PHACTR3: variants seen among roughly 807,000 people sequenced by gnomAD.
The protein encoded by PHACTR3 is phosphatase and actin regulator 3.
A neutral mutation model predicts 66.8 loss-of-function variants in PHACTR3; 16 were observed. The ratio of observed to expected loss-of-function variants is 0.24; its 90% CI spans 0.16 to 0.36. The LOEUF (loss-of-function observed/expected upper bound fraction) is 0.36. PHACTR3 is among the 10% of genes least tolerant of loss of function. The pLI is 1.00. For missense variants in PHACTR3, 647 were observed against 719.9 expected (o/e 0.90, Z 1.16); for synonymous variants, 323 against 292.1 (o/e 1.11, Z -1.08).
At chr20:59,737,316 G>T (rs1028998937) in intron 1 of PHACTR3, among the ~76,000 whole-genome samples, 22 of 152,224 alleles carry the variant, frequency 1.4e-4, no homozygotes, top group Non-Finnish European at 2.5e-4. Context: ...TGGGGATCCT[G>T]GTTCAGGGCT....
intron 1 of PHACTR3, among the ~76,000 whole-genome samples, chr20:59,665,007 A>G (rs2035937748): frequency 6.6e-6 from 1 of 152,194 alleles, no homozygotes; most frequent in African/African-American, 2.4e-5. Flanking sequence ...TACTATGCTT[A>G]CTTTGCACCT....
At chr20:59,844,411 G>T (rs1408812285) in intron 11 of PHACTR3, 1 of 152,072 alleles carries the variant, frequency 6.6e-6, no homozygotes, top group Non-Finnish European at 1.5e-5. Context: ...AATCATCCAA[G>T]TGTCCATCAA....
chr20:59,670,613 G>GC (rs1491265008), intron 1 of PHACTR3, among the ~76,000 whole-genome samples: 1 of 132,616 alleles, frequency 7.5e-6, no homozygotes, highest in African/African-American at 2.7e-5. Context: ...GGTGGGGGGG[G>GC]GGGGCAGGCA....
intron 1 of PHACTR3, among the ~76,000 whole-genome samples, chr20:59,714,402 A>G (rs1415201662): frequency 6.6e-6 from 1 of 152,232 alleles, no homozygotes; most frequent in Non-Finnish European, 1.5e-5. Flanking sequence ...CAATTTTCCC[A>G]TATGGATATC....
intron 8 of PHACTR3, among the ~76,000 whole-genome samples, chr20:59,813,212 C>T (rs1295897337): frequency 7.3e-6 from 1 of 136,228 alleles, no homozygotes; most frequent in East Asian, 1.9e-4. Flanking sequence ...ACTACCTTCC[C>T]CAAGACCCTC....
chr20:59,804,004 T>A (rs2041495496), intron 7 of PHACTR3, among the ~76,000 whole-genome samples: 2 of 152,208 alleles, frequency 1.3e-5, no homozygotes, highest in Admixed American at 6.5e-5. Flanking sequence ...TGGGAAGGCA[T>A]GCTCATTTAG....
intron 1 of PHACTR3, among the ~76,000 whole-genome samples, chr20:59,693,948 C>T (rs1234252764): frequency 6.6e-6 from 1 of 152,110 alleles, no homozygotes; most frequent in Non-Finnish European, 1.5e-5. Context: ...CCAGTCCAGC[C>T]CAGATTCAAA....
intron 7 of PHACTR3, among the ~76,000 whole-genome samples, chr20:59,803,760 A>T (rs1269234448): frequency 6.6e-6 from 1 of 152,188 alleles, no homozygotes; most frequent in African/African-American, 2.4e-5. Flanking sequence ...TTTATGAAAA[A>T]GTCCGGGATG....
chr20:59,787,013 G>A (rs575691129), intron 7 of PHACTR3, among the ~76,000 whole-genome samples: 1 of 152,196 alleles, frequency 6.6e-6, no homozygotes, highest in African/African-American at 2.4e-5. Context: ...TGGTGGCAGT[G>A]GTGTCAGAGT....
At chr20:59,744,415 T>A (rs1371547843) in intron 2 of PHACTR3, among the ~76,000 whole-genome samples, 3 of 152,068 alleles carry the variant, frequency 2.0e-5, no homozygotes, top group African/African-American at 7.2e-5. Flanking sequence ...CTAAAAACAA[T>A]TAGTGAGGGA....
intron 1 of PHACTR3, among the ~76,000 whole-genome samples, chr20:59,673,996 G>A (rs993856137): frequency 1.5e-4 from 23 of 152,282 alleles, no homozygotes; most frequent in Non-Finnish European, 7.4e-5. Context: ...GAAATCCCGC[G>A]CTGGTCTCCA....
chr20:59,788,915 G>C (rs927248571), intron 7 of PHACTR3, among the ~76,000 whole-genome samples: 2 of 152,198 alleles, frequency 1.3e-5, no homozygotes, highest in African/African-American at 4.8e-5. Context: ...GCATGGCAGG[G>C]AGAGTTTGCC....
chr20:59,822,923 C>T (rs2145429758), intron 8 of PHACTR3, among the ~76,000 whole-genome samples: 1 of 152,200 alleles, frequency 6.6e-6, no homozygotes, highest in African/African-American at 2.4e-5. Context: ...CCCTGGAAGC[C>T]CAGAGATGGA....
chr20:59,829,934 A>G lies in PHACTR3; in HGVS notation c.1329-6571A>G, dbSNP rs1362856743. 1.3e-5 allele frequency among the ~76,000 whole-genome samples: 2 copies of G among 152,198 alleles called. No homozygotes were observed. Among genetic ancestry groups the G allele is most frequent in the Non-Finnish European group, 2.9e-5 (2 of 68,024 alleles). ...GGGTGGGGCTTCATTGGGGAAGCAA[A>G]GCTTGGGGAGCTGGAACTATGCTTC... On this transcript the variant is annotated intron_variant, in intron 8 of 12. Coordinates refer to ENST00000371015, the MANE Select transcript of PHACTR3 (RefSeq NM_080672.5). The surrounding 1 kb of genome is among the most constrained non-coding windows in gnomAD (Gnocchi z 4.2).
intron 1 of PHACTR3, among the ~76,000 whole-genome samples, chr20:59,680,521 C>T (rs2036604529): frequency 6.6e-6 from 1 of 152,198 alleles, no homozygotes. Flanking sequence ...TCATTTAGCA[C>T]CCTCCTCCTA....
chr20:59,593,902 T>C (rs1288760799), intron 1 of PHACTR3, among the ~76,000 whole-genome samples: 1 of 152,230 alleles, frequency 6.6e-6, no homozygotes, highest in Non-Finnish European at 1.5e-5. Context: ...TTGATTAATG[T>C]AGCTTTATAG....
At chr20:59,651,867 AGG>A (rs2035471451) in intron 1 of PHACTR3, among the ~76,000 whole-genome samples, 1 of 151,522 alleles carries the variant, frequency 6.6e-6, no homozygotes, top group Non-Finnish European at 1.5e-5. Context: ...GTAGGTAGGT[AGG>A]TAGGTAGGTA....
chr20:59,724,441 G>A (rs538732843), intron 1 of PHACTR3, among the ~76,000 whole-genome samples: 16 of 152,138 alleles, frequency 1.1e-4, no homozygotes, highest in Admixed American at 9.2e-4. Context: ...CATCTGAATG[G>A]GGAGGAATAG....
chr20:59,780,207 G>T (rs6123934), intron 7 of PHACTR3, among the ~76,000 whole-genome samples: 4 of 151,940 alleles, frequency 2.6e-5, no homozygotes, highest in Admixed American at 6.6e-5. Flanking sequence ...GCTTCTCCCA[G>T]GTGCTCATGA....
Sources: allele counts gnomAD v4.1 joint callset (sites outside exome capture counted in the v4.1 genomes callset), GRCh38; gene constraint gnomAD v4.1.1; non-coding constraint Gnocchi (gnomAD v3.1); transcripts MANE v1.5; gene names NCBI Gene and HGNC (gene_info 2026-07-23, HGNC 2026-07-21).